Variants in TMEM132D observed in about 807,000 individuals in gnomAD.
The protein encoded by TMEM132D is mature OL transmembrane protein.
In TMEM132D, 21 loss-of-function variants were observed where a neutral mutation model predicts 62.3. That is an observed-to-expected ratio of 0.34 (90% CI 0.24 to 0.49). TMEM132D has a LOEUF of 0.49. TMEM132D is among the 20% of genes least tolerant of loss of function. The probability of loss-of-function intolerance (pLI) is 0.99; values close to 1 mark genes in which losing one functional copy is unlikely to be tolerated. For missense variants in TMEM132D, 1,346 were observed against 1,402.8 expected, an observed-to-expected ratio of 0.96 and a Z score of 0.65; for synonymous variants, 621 against 575.6, an observed-to-expected ratio of 1.08 and a Z score of -1.13.
intron 3 of TMEM132D, among the ~76,000 whole-genome samples, chr12:129,382,217 T>C (rs1200379636): frequency 6.6e-6 from 1 of 152,258 alleles, no homozygotes; most frequent in Admixed American, 6.5e-5. Context: ...TACAAGGCTC[T>C]GTCTTTGAAA....
chr12:129,543,848 T>A (rs1422313818), intron 2 of TMEM132D, among the ~76,000 whole-genome samples: 3 of 152,226 alleles, frequency 2.0e-5, no homozygotes, highest in Non-Finnish European at 4.4e-5. Flanking sequence ...TACTAATCCA[T>A]TGTGTGCTAG....
chr12:129,868,046 C>T (rs1167680935), intron 1 of TMEM132D, among the ~76,000 whole-genome samples: 1 of 152,000 alleles, frequency 6.6e-6, no homozygotes, highest in Non-Finnish European at 1.5e-5. Context: ...ATGGTACACA[C>T]ATGAGACAGC....
intron 4 of TMEM132D, among the ~76,000 whole-genome samples, chr12:129,279,487 A>G (rs1319916842): frequency 6.6e-6 from 1 of 152,234 alleles, no homozygotes; most frequent in African/African-American, 2.4e-5. Flanking sequence ...TTTGAAAAAG[A>G]AAGTAAAAAT....
Position 129,803,636 on chromosome 12 carries a change from A to G in TMEM132D, c.79+99625T>C, listed in dbSNP as rs1456857389. ...AACATCACAATTAAAAGAACTAGAA[A>G]AGCAAGAGCAAACACATTCAAAAGC... On this transcript the variant is annotated intron_variant, in intron 1 of 8. Transcript: ENST00000422113. Among the ~76,000 whole-genome samples, 181 of 150,824 alleles carry G rather than the reference A, an allele frequency of 1.2e-3. 2 individuals carry two copies. The highest frequency in any genetic ancestry group is 4.0e-3 in the African/African-American group (165 of 41,044).
intron 3 of TMEM132D, among the ~76,000 whole-genome samples, chr12:129,353,253 A>G (rs557840987): frequency 6.6e-6 from 1 of 152,312 alleles, no homozygotes; most frequent in African/African-American, 2.4e-5. Context: ...TTCAGTAAAC[A>G]ATAGCATTAG....
chr12:129,638,723 T>G (rs1224457046), intron 2 of TMEM132D, among the ~76,000 whole-genome samples: 1 of 151,958 alleles, frequency 6.6e-6, no homozygotes, highest in African/African-American at 2.4e-5. Context: ...TAAAATGTCT[T>G]CTGAGCTTTG....
chr12:129,701,987 T>C (rs1019278304), intron 1 of TMEM132D, among the ~76,000 whole-genome samples: 2 of 152,236 alleles, frequency 1.3e-5, no homozygotes, highest in Non-Finnish European at 2.9e-5. Context: ...AGCAGGTCAC[T>C]GACCCTCGTT....
intron 3 of TMEM132D, among the ~76,000 whole-genome samples, chr12:129,524,199 T>C (rs1875941541): frequency 6.6e-6 from 1 of 151,534 alleles, no homozygotes. Context: ...ACCTGCACAT[T>C]GTGCACATGT....
At chr12:129,304,799 G>T (rs1195275750) in intron 4 of TMEM132D, among the ~76,000 whole-genome samples, 1 of 151,812 alleles carries the variant, frequency 6.6e-6, no homozygotes, top group Non-Finnish European at 1.5e-5. Context: ...AAGTAGCTGG[G>T]ATTATAGGCG....
At chr12:129,581,819 T>A (rs372339931) in intron 2 of TMEM132D, among the ~76,000 whole-genome samples, 1 of 152,198 alleles carries the variant, frequency 6.6e-6, no homozygotes, top group East Asian at 1.9e-4. Context: ...TTCAATCCAA[T>A]GACGTTGGCA....
At chr12:129,740,754 TC>T in intron 1 of TMEM132D, among the ~76,000 whole-genome samples, 1 of 152,258 alleles carries the variant, frequency 6.6e-6, no homozygotes, top group Non-Finnish European at 1.5e-5. Flanking sequence ...AAAAATCACT[TC>T]AAAACCAATC....
At chr12:129,643,365 C>T (rs141161294) in intron 2 of TMEM132D, among the ~76,000 whole-genome samples, 5 of 152,304 alleles carry the variant, frequency 3.3e-5, no homozygotes, top group South Asian at 4.1e-4. Flanking sequence ...CCCAGCCCAC[C>T]GCCTGCTTTG....
At chr12:129,281,633 G>T (rs1389178460) in intron 4 of TMEM132D, among the ~76,000 whole-genome samples, 1 of 152,080 alleles carries the variant, frequency 6.6e-6, no homozygotes, top group African/African-American at 2.4e-5. Context: ...CCCCGTAGCA[G>T]ACCACACTGC....
chr12:129,541,567 A>G (rs940632962), intron 2 of TMEM132D, among the ~76,000 whole-genome samples: 1 of 152,114 alleles, frequency 6.6e-6, no homozygotes, highest in Non-Finnish European at 1.5e-5. Flanking sequence ...ATTCATCACC[A>G]TTTCCAGAAA....
intron 1 of TMEM132D, among the ~76,000 whole-genome samples, chr12:129,870,038 G>C (rs1467426200): frequency 6.6e-6 from 1 of 152,158 alleles, no homozygotes; most frequent in Non-Finnish European, 1.5e-5. Flanking sequence ...ACCCAGGCTG[G>C]AGTGCAGAGG....
chr12:129,650,229 C>T (rs532707602), intron 2 of TMEM132D, among the ~76,000 whole-genome samples: 29 of 152,068 alleles, frequency 1.9e-4, no homozygotes, highest in South Asian at 4.1e-4. Flanking sequence ...TCCTATTGTA[C>T]GCATCTACCT....
intron 5 of TMEM132D, among the ~76,000 whole-genome samples, chr12:129,104,267 A>T (rs1875411673): frequency 6.6e-6 from 1 of 151,670 alleles, no homozygotes; most frequent in Admixed American, 6.6e-5. Context: ...TCTTTGACAA[A>T]CCTGACAAAA....
At chr12:129,719,464 T>C (rs1205286954) in intron 1 of TMEM132D, among the ~76,000 whole-genome samples, 1 of 152,242 alleles carries the variant, frequency 6.6e-6, no homozygotes, top group Admixed American at 6.5e-5. Context: ...GAAAATGATT[T>C]ATCTGTCAGT....
intron 1 of TMEM132D, among the ~76,000 whole-genome samples, chr12:129,869,030 G>C (rs1017906407): frequency 6.6e-6 from 1 of 150,944 alleles, no homozygotes; most frequent in Non-Finnish European, 1.5e-5. Flanking sequence ...CTTAGAACCG[G>C]TTCCTCAGCC....
Sources: gnomAD v4.1 joint callset for allele counts (sites outside exome capture counted in the v4.1 genomes callset) on GRCh38, gnomAD v4.1.1 for gene constraint, MANE v1.5 for transcripts, NCBI Gene and HGNC (gene_info 2026-07-23, HGNC 2026-07-21) for gene names.